Variants in PDCD11 observed in about 807,000 individuals in gnomAD.
PDCD11 encodes the protein protein RRP5 homolog.
In PDCD11, 97 loss-of-function variants were observed where a neutral mutation model predicts 198.9. That is an observed-to-expected ratio of 0.49 (90% CI 0.41 to 0.58). The LOEUF (loss-of-function observed/expected upper bound fraction) is 0.58, where lower values mean the gene tolerates loss of function less well. Among genes scored for constraint, PDCD11 ranks in the 20% least tolerant of loss-of-function variants. PDCD11 has a pLI of 0.00. For missense variants in PDCD11, 2,102 were observed against 2,312.7 expected (o/e 0.91, Z 1.87); for synonymous variants, 893 against 918.0 (o/e 0.97, Z 0.49).
chr10:103,421,631 T>C lies in PDCD11; in HGVS notation c.2497+64T>C. 3 of 1,292,832 alleles carry C rather than the reference T, an allele frequency of 2.3e-6. No individual in the cohort carries two copies. The South Asian group carries it at 3.9e-5, about 17-fold the overall frequency. The allele number at this position is 1,292,832 out of a possible 1,614,324, so 80.1% of individuals were successfully genotyped here. On this transcript the variant is annotated intron_variant, in intron 17 of 35. Transcript: ENST00000369797. ...GGGAGTATGTGTTGTAAATTACACC[T>C]GTTGTTAGGTGAGTTGTTGGGCTTC...
At chr10:103,409,954 G>T in intron 8 of PDCD11, 148 bp downstream of exon 8, 1 of 633,980 alleles carries the variant, frequency 1.6e-6, no homozygotes, top group Non-Finnish European at 2.8e-6. Flanking sequence ...GTGTTATGGA[G>T]GCCAGATGCA....
At position 103,439,158 on chromosome 10, in the gene PDCD11, G is replaced by A. The variant is rs948693795; in HGVS notation, c.4025+350G>A. ...GTTCAAGACCAGCCTGGGCAACAAA[G>A]CAAGACCCCCATGTCTCCAGAAAAA... On this transcript the variant is annotated intron_variant, in intron 27 of 35. Transcript: ENST00000369797. 2.6e-5 allele frequency among the ~76,000 whole-genome samples: 4 copies of A among 152,074 alleles called. No individual in the cohort carries two copies. The South Asian group carries it at 8.3e-4, about 32-fold the overall frequency.
chr10:103,432,742 G>T (rs998478109), intron 22 of PDCD11, among the ~76,000 whole-genome samples: 15 of 152,158 alleles, frequency 9.9e-5, no homozygotes, highest in African/African-American at 3.6e-4. Context: ...CCTCTTCGAT[G>T]AGCATCTTTG....
chr10:103,430,950 G>A (rs999242293), intron 21 of PDCD11, among the ~76,000 whole-genome samples: 1 of 151,820 alleles, frequency 6.6e-6, no homozygotes, highest in East Asian at 1.9e-4. Context: ...AAGCGCCCAC[G>A]ACCACGCCCA....
Position 103,427,383 on chromosome 10 carries a change from T to G in PDCD11, c.3360T>G (p.Val1120=). Residue 1120 remains valine, a synonymous_variant, in exon 21 of 36, where the codon GTT becomes GTG. Coordinates refer to ENST00000369797, the MANE Select transcript of PDCD11 (RefSeq NM_014976.2). ...RFVRTIPELS[V]RPSELEDGHT... ...TTCGAACCATCCCGGAGCTGAGTGT[T>G]CGGCCAAGGTGAGGGGGACATTAGC... is the stretch of plus-strand genomic sequence containing the variant. 6.2e-7 allele frequency: 1 copy of G among 1,611,710 alleles called. No individual in the cohort carries two copies.
intron 29 of PDCD11, 21 bp from the exon 30 acceptor site, chr10:103,440,713 T>C: frequency 6.2e-7 from 1 of 1,613,944 alleles, no homozygotes; most frequent in Non-Finnish European, 8.5e-7. Context: ...CTCCTAGGCA[T>C]TCTCCCACCT....
chr10:103,431,990 G>A (rs2031953986), intron 21 of PDCD11, 139 bp from the exon 22 acceptor site: 1 of 613,762 alleles, frequency 1.6e-6, no homozygotes, highest in East Asian at 2.8e-5. Flanking sequence ...CCCCTTTGAG[G>A]AGAGAAACGG....
In PDCD11 at chr10:103,425,201, T is replaced by C; in HGVS notation, c.2981T>C (p.Val994Ala). The change falls in exon 20 of 36, where the codon GTG (valine) becomes GCG (alanine). Residue 994 changes from valine (V) to alanine (A), a missense_variant. Transcript: ENST00000369797. ...GGAGTGACTGGCCTTCTTTTGGCTG[T>C]GGAGGGGCCGGCTGCCAAGAGGACC... ...EPGVTGLLLA[V>A]EGPAAKRTMR... is the part of the protein sequence containing the mutation. The C allele has an allele frequency of 6.2e-7, 1 of 1,614,062 alleles. No individual in the cohort carries two copies. The highest frequency in any genetic ancestry group is 8.5e-7 in the Non-Finnish European group (1 of 1,180,004).
chr10:103,427,733 T>G (rs1415022497), intron 21 of PDCD11, among the ~76,000 whole-genome samples: 3 of 152,182 alleles, frequency 2.0e-5, no homozygotes, highest in African/African-American at 7.2e-5. Flanking sequence ...AGAATACCTG[T>G]TATTTCAACC....
chr10:103,423,638 G>A lies in PDCD11; in HGVS notation c.2743G>A (p.Val915Met). Residue 915 changes from valine to methionine, a missense_variant, in exon 19 of 36, where the codon GTG (valine) becomes ATG (methionine). Physicochemically the swap from Val to Met is conservative, Grantham distance 21 (BLOSUM62 1). Transcript: ENST00000369797. ...EVHVSLHQDL[V>M]NRKARKLRKG... is the part of the protein sequence containing the mutation. ...GCACGTTTCCCTTCACCAGGACTTG[G>A]TGAATAGAAAAGCTAGAAAGGTAAG... The A allele has an allele frequency of 6.2e-7, 1 of 1,611,508 alleles. No individual in the cohort carries two copies. Among genetic ancestry groups the A allele is most frequent in the African/African-American group, 1.3e-5 (1 of 74,992 alleles).
rs768315174 is a variant in PDCD11 at position 103,414,347 on chromosome 10, A to G, written c.1371+17A>G. The G allele has an allele frequency of 6.3e-7, 1 of 1,593,900 alleles. No homozygotes were observed. The highest frequency in any genetic ancestry group is 8.6e-7 in the Non-Finnish European group (1 of 1,161,772). ...GTGGTAAAGGTAAGACCTCAAGCAT[A>G]TAATTAGGTACTGCCTCACCATCAG... is the stretch of plus-strand genomic sequence containing the variant. On this transcript the variant is annotated intron_variant, in intron 11 of 35. Transcript: ENST00000369797.
Position 103,444,618 on chromosome 10 carries a change from C to A in PDCD11, c.5380C>A (p.Arg1794Ser), listed in dbSNP as rs150527836. ...FENTLSTYPKRTDVWSVYIDM... is the reference protein window; with the variant it reads ...FENTLSTYPKSTDVWSVYIDM... The stretch of plus-strand genomic sequence containing the variant: ...GAACACGCTGAGCACCTACCCAAAG[C>A]GCACAGATGTCTGGTCGGTCTATAT... The change falls in exon 35 of 36, where the codon CGC becomes AGC. Residue 1794 changes from arginine (R) to serine (S), a missense_variant. Physicochemically the swap from Arg to Ser is moderately radical, Grantham distance 110 (BLOSUM62 -1). Transcript: ENST00000369797. 3.3e-5 allele frequency: 53 copies of A among 1,614,056 alleles called. No individual in the cohort carries two copies. Among genetic ancestry groups the A allele is most frequent in the Admixed American group, 8.3e-5 (5 of 60,014 alleles).
At chr10:103,444,318 C>T (rs2032509587) in intron 34 of PDCD11, 199 bp from the exon 35 acceptor site, 2 of 630,530 alleles carry the variant, frequency 3.2e-6, no homozygotes, top group Non-Finnish European at 5.5e-6. Context: ...CTTCTGTGCC[C>T]AGAGAGTGGT....
intron 12 of PDCD11, 62 bp from the exon 13 acceptor site, chr10:103,416,429 G>C (rs1268320379): frequency 2.5e-6 from 4 of 1,580,716 alleles, no homozygotes; most frequent in Non-Finnish European, 2.6e-6. Flanking sequence ...AGGTTGCAGA[G>C]ACCAGCTCAG....
At chr10:103,419,892 C>T (rs1382152341) in intron 16 of PDCD11, among the ~76,000 whole-genome samples, 184 bp downstream of exon 16, 4 of 149,932 alleles carry the variant, frequency 2.7e-5, no homozygotes, top group South Asian at 4.2e-4. Flanking sequence ...TGGGCTCAAG[C>T]GATTTTCCTG....
intron 24 of PDCD11, chr10:103,434,593 C>G (rs1275970978): frequency 3.4e-6 from 2 of 589,306 alleles, no homozygotes; most frequent in African/African-American, 3.7e-5. Flanking sequence ...TTTCTCAAGT[C>G]CCTGGGAAAG....
intron 12 of PDCD11, 113 bp downstream of exon 12, chr10:103,415,264 T>TGGCATTGGGAAGAGAA: frequency 2.8e-6 from 3 of 1,064,954 alleles, no homozygotes; most frequent in Non-Finnish European, 2.8e-6. Flanking sequence ...GTAGTGTGTC[T>TGGCATTGGGAAGAGAA]TGTGCTGTAC....
At chr10:103,411,132 G>A (rs984253113) in intron 8 of PDCD11, among the ~76,000 whole-genome samples, 3 of 151,224 alleles carry the variant, frequency 2.0e-5, no homozygotes, top group Non-Finnish European at 4.4e-5. Context: ...GCCCAGACTG[G>A]TTTTGAACTC....
At position 103,434,277 on chromosome 10, in the gene PDCD11, G is replaced by A; in HGVS notation, c.3594G>A (p.Arg1198=). The change falls in exon 24 of 36, where the codon CGG becomes CGA. Residue 1198 remains arginine (R), a synonymous_variant. Transcript: ENST00000369797. ...TGAAGCATCCAGATAAGAAGTTCCGGGTTGGCCAGGCCCTGAGGGCCACCG... is the reference window on the plus strand; with the variant it reads ...TGAAGCATCCAGATAAGAAGTTCCGAGTTGGCCAGGCCCTGAGGGCCACCG... ...KVLKHPDKKF[R]VGQALRATVV... is the part of the protein sequence containing the mutation. 2 of 1,613,770 alleles carry A rather than the reference G, an allele frequency of 1.2e-6. No homozygotes were observed. The highest frequency in any genetic ancestry group is 1.7e-6 in the Non-Finnish European group (2 of 1,179,608).
Sources: gnomAD v4.1 joint callset for allele counts (sites outside exome capture counted in the v4.1 genomes callset) on GRCh38, gnomAD v4.1.1 for gene constraint, MANE v1.5 for transcripts, NCBI Gene and HGNC (gene_info 2026-07-23, HGNC 2026-07-21) for gene names.